PDE1C: variants seen among roughly 807,000 people sequenced by gnomAD.
PDE1C encodes phosphodiesterase 1C.
PDE1C carries 62 observed loss-of-function variants against 93.1 expected under a neutral mutation model. That is an observed-to-expected ratio of 0.67 (90% CI 0.54 to 0.82). PDE1C has a LOEUF of 0.82. PDE1C is among the 40% of genes least tolerant of loss of function. The pLI, the probability that PDE1C is intolerant of heterozygous loss-of-function variation, is 0.00. For synonymous variants in PDE1C, 325 were observed against 310.1 expected (o/e 1.05, Z -0.50); for missense variants, 742 against 884.6 (o/e 0.84, Z 2.04).
the PDE1C span, chr7:31,696,149 T>C: frequency 6.6e-6 from 1 of 152,488 alleles, no homozygotes; most frequent in African/African-American, 2.4e-5. Flanking sequence ...AGCTAACATG[T>C]CTCTGTAACA....
the PDE1C span, among the ~76,000 whole-genome samples, chr7:31,708,920 G>A: frequency 1.3e-5 from 2 of 152,164 alleles, no homozygotes; most frequent in Non-Finnish European, 2.9e-5. Flanking sequence ...CCCAGCCACA[G>A]CTTTGGGTAG....
At chr7:32,149,886 C>A (rs541836134) in intron 3 of PDE1C, among the ~76,000 whole-genome samples, 4 of 152,176 alleles carry the variant, frequency 2.6e-5, no homozygotes, top group East Asian at 1.9e-4. Context: ...TGCCCACCCC[C>A]ACTCCACCCC....
At chr7:31,619,800 G>C in the PDE1C span, among the ~76,000 whole-genome samples, 2 of 151,922 alleles carry the variant, frequency 1.3e-5, no homozygotes, top group Non-Finnish European at 2.9e-5. Context: ...GAAGCAGCGC[G>C]AGGCATTGCC....
chr7:31,626,306 T>A, the PDE1C span, among the ~76,000 whole-genome samples: 3 of 152,222 alleles, frequency 2.0e-5, no homozygotes, highest in Non-Finnish European at 2.9e-5. Flanking sequence ...ACTGCATAAC[T>A]CCTTTTGAAG....
chr7:32,253,674 A>T (rs1809558781), intron 1 of PDE1C, among the ~76,000 whole-genome samples: 1 of 152,228 alleles, frequency 6.6e-6, no homozygotes, highest in African/African-American at 2.4e-5. Flanking sequence ...CTGTGGCATA[A>T]GCAATGTGCC....
intron 2 of PDE1C, among the ~76,000 whole-genome samples, chr7:31,907,544 G>A (rs1221555567): frequency 6.6e-6 from 1 of 152,070 alleles, no homozygotes; most frequent in Non-Finnish European, 1.5e-5. Context: ...GCATCCTTTT[G>A]TTAGGGTAAT....
intron 1 of PDE1C, among the ~76,000 whole-genome samples, chr7:32,259,783 C>T (rs1289743263): frequency 6.6e-6 from 1 of 152,142 alleles, no homozygotes; most frequent in Non-Finnish European, 1.5e-5. Context: ...AGTAAGAGAA[C>T]ACTGCCCACA....
intron 2 of PDE1C, among the ~76,000 whole-genome samples, chr7:31,963,541 T>C (rs1331212545): frequency 6.6e-6 from 1 of 152,238 alleles, no homozygotes; most frequent in African/African-American, 2.4e-5. Flanking sequence ...CAATTATGAC[T>C]GGTATTCTTT....
intron 17 of PDE1C, among the ~76,000 whole-genome samples, chr7:31,756,596 T>C (rs1794482430): frequency 6.6e-6 from 1 of 152,012 alleles, no homozygotes; most frequent in African/African-American, 2.4e-5. Flanking sequence ...ATAATAATAA[T>C]AATTAATAAT....
At position 32,112,802 on chromosome 7, in the gene PDE1C, ATATGTGTGTGTGTGTG is replaced by A. The variant is rs1397910883; in HGVS notation, c.308+56967_308+56982del. 5.1e-5 allele frequency among the ~76,000 whole-genome samples: 5 copies of A among 98,630 alleles called. No individual in the cohort carries two copies. In the South Asian group the frequency reaches 1.1e-3, roughly 21 times the overall value. The allele number at this position is 98,630 out of a possible 152,430, so 64.7% of individuals were successfully genotyped here. On this transcript the variant is annotated intron_variant, in intron 3 of 18. Coordinates refer to the PDE1C transcript ENST00000396193. The stretch of plus-strand genomic sequence containing the variant: ...TTACATATAAAACATATATATACAT[ATATGTGTGTGTGTGTG>A]TGTGTGTGTGTGTGTGTGTGTGTGT...
intron 2 of PDE1C, among the ~76,000 whole-genome samples, chr7:31,912,334 C>T (rs1480360821): frequency 6.6e-6 from 1 of 152,092 alleles, no homozygotes; most frequent in Non-Finnish European, 1.5e-5. Context: ...AACCATGCTT[C>T]TGAAATGAGA....
At chr7:32,054,104 A>C (rs886195677) in intron 1 of PDE1C, among the ~76,000 whole-genome samples, 1 of 56,220 alleles carries the variant, frequency 1.8e-5, no homozygotes, top group Non-Finnish European at 3.9e-5. Flanking sequence ...AGAGTAATAA[A>C]ATTTATATTT....
chr7:31,760,699 CTATGA>C (rs145098552), intron 17 of PDE1C, among the ~76,000 whole-genome samples: 2,724 of 150,662 alleles, frequency 0.018, 79 homozygotes, highest in African/African-American at 0.062. Flanking sequence ...AAACATAATG[CTATGA>C]TATGACATTT....
intron 2 of PDE1C, among the ~76,000 whole-genome samples, chr7:31,942,454 T>C (rs1187775460): frequency 6.6e-6 from 1 of 152,148 alleles, no homozygotes; most frequent in Non-Finnish European, 1.5e-5. Flanking sequence ...CAGGATGTTG[T>C]TGAAGCTATT....
At chr7:32,322,451 G>T (rs1157475837) in intron 1 of PDE1C, among the ~76,000 whole-genome samples, 1 of 152,000 alleles carries the variant, frequency 6.6e-6, no homozygotes, top group African/African-American at 2.4e-5. Flanking sequence ...ACGTAAAAAA[G>T]AAGTTAGCCA....
chr7:32,417,699 C>A (rs1785303964), intron 1 of PDE1C, among the ~76,000 whole-genome samples: 1 of 147,048 alleles, frequency 6.8e-6, no homozygotes, highest in African/African-American at 2.6e-5. Context: ...TCATACTGTG[C>A]ACATAAAAAA....
intron 1 of PDE1C, among the ~76,000 whole-genome samples, chr7:32,297,988 TCTCTCTCTCCTCTCTCTCTCTCTCTCTC>T (rs1562660058): frequency 4.6e-5 from 2 of 43,288 alleles, no homozygotes; most frequent in Non-Finnish European, 1.1e-4. Context: ...TCTCTCTCTC[TCTCTCTCTCCTCTCTCTCTCTCTCTCTC>T]CCTCTCTCTC....
chr7:32,154,741 T>C lies in PDE1C; in HGVS notation c.308+15044A>G, dbSNP rs116361189. Among the ~76,000 whole-genome samples the C allele has an allele frequency of 8.5e-3, 1,290 of 152,272 alleles. 17 individuals are homozygous for C. The highest frequency in any genetic ancestry group is 0.029 in the African/African-American group (1,207 of 41,558). On this transcript the variant is annotated intron_variant, in intron 3 of 18. Transcript: ENST00000396193. Reference sequence around the variant, plus strand: ...TTCCCTACCACCCCATACCATACAGTGGGCACCACTGTGGTCACAGCAGAG... The same window carrying C: ...TTCCCTACCACCCCATACCATACAGCGGGCACCACTGTGGTCACAGCAGAG...
rs386409838 is a variant in PDE1C at position 31,899,132 on chromosome 7, C to CTTTTT, written c.129-18277_129-18273dup. Among the ~76,000 whole-genome samples the CTTTTT allele has an allele frequency of 4.0e-3, 344 of 85,020 alleles. 3 individuals carry two copies. The highest frequency in any genetic ancestry group is 4.9e-3 in the Non-Finnish European group (217 of 44,146). 55.8% of individuals were successfully genotyped at this position (85,020 alleles called of 152,430 possible). ...CTTACCAAGAGCATGGGCAGTCCCA[C>CTTTTT]TTTTTTTTTTTTTTTTTTTTTTTTG... On this transcript the variant is annotated intron_variant, in intron 2 of 17. Coordinates refer to ENST00000396191, the MANE Select transcript of PDE1C (RefSeq NM_001191057.4).
Sources: allele counts gnomAD v4.1 joint callset (sites outside exome capture counted in the v4.1 genomes callset), GRCh38; gene constraint gnomAD v4.1.1; transcripts MANE v1.5; gene names NCBI Gene and HGNC (gene_info 2026-07-23, HGNC 2026-07-21).